The following NEK10 variants were observed in gnomAD, a reference collection of about 807,000 sequenced individuals.
NEK10 encodes the protein serine/threonine-protein kinase Nek10.
Under a neutral mutation model 159.8 loss-of-function variants are expected in NEK10, and 122 were observed. The ratio of observed to expected loss-of-function variants is 0.76; its 90% confidence interval spans 0.66 to 0.89. The LOEUF (loss-of-function observed/expected upper bound fraction) is 0.89. Ranked by LOEUF, NEK10 falls within the 40% of genes least tolerant of loss-of-function variation. The probability of loss-of-function intolerance (pLI) is 0.00; values close to 1 mark genes in which losing one functional copy is unlikely to be tolerated. For synonymous variants in NEK10, 466 were observed against 457.1 expected (o/e 1.02, Z -0.25); for missense variants, 1,342 against 1,323.1 (o/e 1.01, Z -0.22).
At chr3:27,149,977 T>C (rs565622624) in intron 30 of NEK10, among the ~76,000 whole-genome samples, 1 of 152,124 alleles carries the variant, frequency 6.6e-6, no homozygotes, top group Non-Finnish European at 1.5e-5. Flanking sequence ...ATTGCTTATA[T>C]AGAGAAAGAT....
chr3:27,238,746 CGTGTGTGTGT>C lies in NEK10; in HGVS notation c.2090+17540_2090+17549del, dbSNP rs59740177. 5.9e-3 allele frequency among the ~76,000 whole-genome samples: 811 copies of C among 138,130 alleles called. 2 individuals are homozygous for C. The highest frequency in any genetic ancestry group is 0.017 in the African/African-American group (631 of 36,948). 90.6% of individuals were successfully genotyped at this position (138,130 alleles called of 152,430 possible). ...TATTTATCTAACCAACCTCCCCTTT[CGTGTGTGTGT>C]GTGTGTGTGTGTGTGTGTGTGTGTG... On this transcript the variant is annotated intron_variant, in intron 23 of 35. Transcript: ENST00000691995.
rs180816847 is a variant in NEK10 at position 27,109,802 on chromosome 3, T to A, written c.*1470A>T. Among the ~76,000 whole-genome samples, 25 of 152,346 alleles carry A rather than the reference T, an allele frequency of 1.6e-4. 1 individual carries two copies. The highest frequency in any genetic ancestry group is 3.4e-3 in the Middle Eastern group (1 of 294). On this transcript the variant is annotated 3_prime_UTR_variant, in exon 36 of 36. Transcript: ENST00000691995. ...AGTTTGAAAGCTGAAACTGAAATTT[T>A]CATTACTGTATTTGCATCTATTATC... is the stretch of plus-strand genomic sequence containing the variant.
At chr3:27,134,079 G>C (rs1942931373) in intron 31 of NEK10, among the ~76,000 whole-genome samples, 1 of 152,130 alleles carries the variant, frequency 6.6e-6, no homozygotes, top group Non-Finnish European at 1.5e-5. Flanking sequence ...AGAGGAAGGG[G>C]GGTGCAGGGA....
Position 27,189,472 on chromosome 3 carries a change from C to CTA in NEK10, c.2505+2555_2505+2556dup, listed in dbSNP as rs1414520825. Reference sequence around the variant, plus strand: ...ACCCACTAATTTCTCTTTCCCTTGACTATAATTTATCACTGGATTGTGTAA... The same window carrying CTA: ...ACCCACTAATTTCTCTTTCCCTTGACTATATAATTTATCACTGGATTGTGTAA... On this transcript the variant is annotated intron_variant, in intron 26 of 35. Transcript: ENST00000691995. Among the ~76,000 whole-genome samples the CTA allele has an allele frequency of 2.0e-5, 3 of 152,036 alleles. 1 individual carries two copies. Among genetic ancestry groups the CTA allele is most frequent in the Non-Finnish European group, 4.4e-5 (3 of 67,946 alleles).
chr3:27,185,170 G>T (rs1409307680), intron 26 of NEK10, among the ~76,000 whole-genome samples: 1 of 152,138 alleles, frequency 6.6e-6, no homozygotes, highest in African/African-American at 2.4e-5. Context: ...GCTAATAATT[G>T]CTCTACCAGC....
intron 23 of NEK10, among the ~76,000 whole-genome samples, chr3:27,243,680 C>T (rs1954775332): frequency 6.6e-6 from 1 of 152,170 alleles, no homozygotes; most frequent in Non-Finnish European, 1.5e-5. Context: ...AGAGCATCCA[C>T]CCCAGCCCCA....
chr3:27,122,037 G>A (rs1253226241), intron 32 of NEK10, among the ~76,000 whole-genome samples: 1 of 151,884 alleles, frequency 6.6e-6, no homozygotes, highest in African/African-American at 2.4e-5. Flanking sequence ...GGGTTTCCTA[G>A]TCTCCATGTT....
chr3:27,320,578 C>T (rs594466), intron 6 of NEK10, among the ~76,000 whole-genome samples: 59,581 of 152,006 alleles, frequency 0.39, 15,029 homozygotes, highest in African/African-American at 0.73. Flanking sequence ...AACTGAATTG[C>T]GATAAGCAGC....
chr3:27,269,938 T>TTA (rs1470224655), intron 22 of NEK10, among the ~76,000 whole-genome samples: 1 of 152,166 alleles, frequency 6.6e-6, no homozygotes, highest in Non-Finnish European at 1.5e-5. Flanking sequence ...TACAAAAAGT[T>TTA]TATATATATA....
At chr3:27,316,389 G>A (rs1432310048) in intron 6 of NEK10, among the ~76,000 whole-genome samples, 1 of 152,150 alleles carries the variant, frequency 6.6e-6, no homozygotes, top group Non-Finnish European at 1.5e-5. Context: ...AGTGGGAGTG[G>A]CTGGGCACAA....
At chr3:27,281,806 A>G (rs2042179506) in intron 22 of NEK10, among the ~76,000 whole-genome samples, 1 of 152,152 alleles carries the variant, frequency 6.6e-6, no homozygotes, top group Non-Finnish European at 1.5e-5. Flanking sequence ...CCCAGAGTAC[A>G]CTGCAACAAG....
intron 19 of NEK10, among the ~76,000 whole-genome samples, chr3:27,288,276 T>C (rs1259742249): frequency 1.3e-5 from 2 of 152,228 alleles, no homozygotes; most frequent in Non-Finnish European, 2.9e-5. Context: ...TAAGTCATAA[T>C]AACAGTTGAC....
chr3:27,360,293 G>A (rs576172466), intron 1 of NEK10, among the ~76,000 whole-genome samples: 9 of 152,334 alleles, frequency 5.9e-5, no homozygotes, highest in South Asian at 2.1e-4. Context: ...AATGAATGAA[G>A]AGAGGTGTAG....
chr3:27,205,722 G>T (rs1484971658), intron 23 of NEK10, among the ~76,000 whole-genome samples: 2 of 131,218 alleles, frequency 1.5e-5, no homozygotes. Context: ...ATGGATTAAA[G>T]ATTTAAACGT....
intron 30 of NEK10, chr3:27,162,213 C>T: frequency 3.8e-6 from 2 of 529,652 alleles, no homozygotes; most frequent in Non-Finnish European, 6.4e-6. Context: ...AACTGGTTAA[C>T]ATTCCCGCCA....
chr3:27,331,247 A>AAAAAAAAAAAAAAAAAAAAAAAAAAAAC (rs1559513307), intron 5 of NEK10, among the ~76,000 whole-genome samples: 1 of 127,660 alleles, frequency 7.8e-6, no homozygotes, highest in African/African-American at 2.6e-5. Context: ...CAAAAAAAAA[A>AAAAAAAAAAAAAAAAAAAAAAAAAAAAC]AAACAAAAAA....
chr3:27,227,671 C>T (rs192534724), intron 23 of NEK10, among the ~76,000 whole-genome samples: 254 of 152,286 alleles, frequency 1.7e-3, no homozygotes, highest in African/African-American at 5.6e-3. Context: ...AGCAATTCAA[C>T]GGCATAAAAC....
rs1559429635 is a variant in NEK10 at position 27,285,529 on chromosome 3, A to AC, written c.1790-569_1790-568insG. Reference sequence around the variant, plus strand: ...TATGTCTTTCAAAAGCAAAAAAAAAAAAACAAACAAACAAACAAAAAAAAA... The same window carrying AC: ...TATGTCTTTCAAAAGCAAAAAAAAAACAAACAAACAAACAAACAAAAAAAAA... On this transcript the variant is annotated intron_variant, in intron 20 of 35. Transcript: ENST00000691995. Among the ~76,000 whole-genome samples, 403 of 151,458 alleles carry AC rather than the reference A, an allele frequency of 2.7e-3. 4 individuals are homozygous for AC. Among genetic ancestry groups the AC allele is most frequent in the African/African-American group, 9.4e-3 (389 of 41,246 alleles).
intron 25 of NEK10, among the ~76,000 whole-genome samples, chr3:27,199,816 G>A (rs1031012946): frequency 5.9e-5 from 9 of 152,114 alleles, no homozygotes; most frequent in Non-Finnish European, 1.2e-4. Context: ...TAGGAACATG[G>A]CTGGAGCTGG....
Sources: allele counts gnomAD v4.1 joint callset (sites outside exome capture counted in the v4.1 genomes callset), GRCh38; gene constraint gnomAD v4.1.1; transcripts MANE v1.5; gene names NCBI Gene and HGNC (gene_info 2026-07-23, HGNC 2026-07-21).